MINDY3: variants seen among roughly 807,000 people sequenced by gnomAD.
MINDY3 encodes the protein MINDY lysine 48 deubiquitinase 3.
A neutral mutation model predicts 69.2 loss-of-function variants in MINDY3; 38 were observed. That is an observed-to-expected ratio of 0.55 (90% CI 0.42 to 0.72). MINDY3 has a LOEUF of 0.72. Among genes scored for constraint, MINDY3 ranks in the 30% least tolerant of loss-of-function variants. MINDY3 has a pLI of 0.00. For synonymous variants in MINDY3, 192 were observed against 180.1 expected (o/e 1.07, Z -0.53); for missense variants, 522 against 519.0 (o/e 1.01, Z -0.06).
intron 10 of MINDY3, among the ~76,000 whole-genome samples, chr10:15,803,390 G>A (rs1838402069): frequency 6.6e-6 from 1 of 152,106 alleles, no homozygotes; most frequent in Non-Finnish European, 1.5e-5. Flanking sequence ...CAAGTTTGAA[G>A]AGCAAGTATA....
intron 10 of MINDY3, among the ~76,000 whole-genome samples, chr10:15,800,819 C>A (rs1360983679): frequency 1.3e-5 from 2 of 152,168 alleles, no homozygotes; most frequent in African/African-American, 4.8e-5. Flanking sequence ...TACAAACCTT[C>A]CGCTTTTTGC....
In MINDY3 at chr10:15,847,942, C is replaced by A. The variant is rs1275281915; in HGVS notation, c.96G>T (p.Gly32=). ...ATCCCTCTGATTCACTAAACACAAA[C>A]CCTAAAAATGAAAGCAAGTAGGAAA... is the stretch of plus-strand genomic sequence containing the variant. ...SDTIFCRWTQ[G]FVFSESEGSA... The change falls in exon 2 of 15, where the codon GGG becomes GGT. Residue 32 remains glycine (G), a splice_region_variant and synonymous_variant. Coordinates refer to ENST00000277632, the MANE Select transcript of MINDY3 (RefSeq NM_024948.4). The A allele has an allele frequency of 6.2e-7, 1 of 1,613,034 alleles. No individual in the cohort carries two copies. Among genetic ancestry groups the A allele is most frequent in the South Asian group, 1.1e-5 (1 of 91,046 alleles).
chr10:15,843,809 C>T (rs1052867941), intron 2 of MINDY3, among the ~76,000 whole-genome samples: 8 of 152,014 alleles, frequency 5.3e-5, no homozygotes, highest in African/African-American at 1.4e-4. Context: ...TCCCCTTAAG[C>T]GAGTCAACGA....
chr10:15,848,660 AAAGAAAGAAAAAT>A (rs1834043683), intron 1 of MINDY3, among the ~76,000 whole-genome samples: 2 of 120,272 alleles, frequency 1.7e-5, no homozygotes, highest in African/African-American at 6.5e-5. Flanking sequence ...AAAAAAAAAA[AAAGAAAGAAAAAT>A]TAAATGGCAT....
chr10:15,804,124 A>G (rs1217336684), intron 10 of MINDY3, among the ~76,000 whole-genome samples: 1 of 152,148 alleles, frequency 6.6e-6, no homozygotes, highest in African/African-American at 2.4e-5. Flanking sequence ...TGATTTTATC[A>G]GAGGAATTTA....
chr10:15,790,014 A>C (rs1837291832), intron 11 of MINDY3, among the ~76,000 whole-genome samples: 1 of 152,134 alleles, frequency 6.6e-6, no homozygotes, highest in African/African-American at 2.4e-5. Context: ...CCTTAAATGT[A>C]CAGTGCCCAA....
At chr10:15,831,211 G>C (rs1376190244) in intron 8 of MINDY3, among the ~76,000 whole-genome samples, 1 of 152,186 alleles carries the variant, frequency 6.6e-6, no homozygotes, top group Non-Finnish European at 1.5e-5. Context: ...AGCAGTAAGA[G>C]TTTAAATGAG....
intron 4 of MINDY3, among the ~76,000 whole-genome samples, chr10:15,839,236 T>C (rs575830543): frequency 2.0e-5 from 3 of 151,848 alleles, no homozygotes; most frequent in East Asian, 3.9e-4. Context: ...TTCCAAAGCC[T>C]AGTTGTGAGT....
At chr10:15,798,044 A>C (rs1358149897) in intron 10 of MINDY3, among the ~76,000 whole-genome samples, 1 of 152,176 alleles carries the variant, frequency 6.6e-6, no homozygotes, top group Non-Finnish European at 1.5e-5. Flanking sequence ...AGGGGCACAA[A>C]ATCAGGATAC....
rs1838383160 is a variant in MINDY3, at chr10:15,803,119, T to TA, written c.883-6948dup. On this transcript the variant is annotated intron_variant, in intron 10 of 14. Coordinates refer to ENST00000277632, the MANE Select transcript of MINDY3 (RefSeq NM_024948.4). ...TCACTGTAGAAAATGATCTTTTATT[T>TA]AAACCTTGTTTAAATTTATGTAATG... 2.6e-5 allele frequency among the ~76,000 whole-genome samples: 4 copies of TA among 152,280 alleles called. No homozygotes were observed. In the South Asian group the frequency reaches 8.3e-4, roughly 32 times the overall value.
chr10:15,822,121 T>C (rs139550944), intron 8 of MINDY3, among the ~76,000 whole-genome samples: 46 of 152,326 alleles, frequency 3.0e-4, no homozygotes, highest in African/African-American at 9.1e-4. Flanking sequence ...CAAATGGATA[T>C]GCTAATCACT....
chr10:15,792,156 G>T (rs1837469815), intron 11 of MINDY3, among the ~76,000 whole-genome samples: 1 of 151,878 alleles, frequency 6.6e-6, no homozygotes, highest in Non-Finnish European at 1.5e-5. Flanking sequence ...TAAATTGTAG[G>T]TCTATATTCC....
intron 14 of MINDY3, among the ~76,000 whole-genome samples, chr10:15,779,708 C>G (rs933948394): frequency 6.6e-6 from 1 of 152,002 alleles, no homozygotes; most frequent in African/African-American, 2.4e-5. Context: ...TGAGTGCATT[C>G]TGTACAGCAT....
chr10:15,807,312 T>C (rs1004221119), intron 10 of MINDY3, among the ~76,000 whole-genome samples: 3 of 152,034 alleles, frequency 2.0e-5, no homozygotes, highest in Admixed American at 6.6e-5. Flanking sequence ...AGGAAGGAAG[T>C]TGGAAGAAAG....
At chr10:15,833,116 C>T (rs1832843244) in intron 8 of MINDY3, among the ~76,000 whole-genome samples, 1 of 152,134 alleles carries the variant, frequency 6.6e-6, no homozygotes, top group African/African-American at 2.4e-5. Flanking sequence ...TGCCTGACAA[C>T]ATACGAAGCC....
rs142079946 is a variant in MINDY3 at position 15,820,298 on chromosome 10, G to A, written c.801+1358C>T. Among the ~76,000 whole-genome samples the A allele has an allele frequency of 6.3e-4, 96 of 152,158 alleles. 5 individuals carry two copies. In the East Asian group the frequency reaches 0.018, roughly 29 times the overall value. The stretch of plus-strand genomic sequence containing the variant: ...GCTCGGCGTGTCTGGGAAAGTGAGA[G>A]GACCAGTGTGGCTGGAGCACAGCAG... On this transcript the variant is annotated intron_variant, in intron 9 of 14. Transcript: ENST00000277632.
intron 13 of MINDY3, chr10:15,782,441 G>T (rs1423786065): frequency 1.0e-5 from 5 of 480,168 alleles, no homozygotes; most frequent in Non-Finnish European, 1.8e-5. Flanking sequence ...AAGTAGGGAA[G>T]GTTGATTTCC....
intron 9 of MINDY3, chr10:15,817,344 G>C (rs1839443112): frequency 6.5e-6 from 1 of 153,666 alleles, no homozygotes; most frequent in East Asian, 1.9e-4. Context: ...AATAATCAAA[G>C]GGAAAGAACA....
intron 10 of MINDY3, 128 bp from the exon 11 acceptor site, chr10:15,796,300 A>G (rs1422533695): frequency 1.4e-6 from 1 of 711,798 alleles, no homozygotes; most frequent in South Asian, 1.7e-5. Context: ...TGTATCATAG[A>G]TGTGTAACGA....
Sources: gnomAD v4.1 joint callset for allele counts (sites outside exome capture counted in the v4.1 genomes callset) on GRCh38, gnomAD v4.1.1 for gene constraint, MANE v1.5 for transcripts, NCBI Gene and HGNC (gene_info 2026-07-23, HGNC 2026-07-21) for gene names.